DPH6: variants seen among roughly 807,000 people sequenced by gnomAD.
DPH6 encodes diphthine--ammonia ligase.
DPH6 carries 33 observed loss-of-function variants against 38.2 expected under a neutral mutation model. The observed-to-expected ratio is 0.86, with a 90% CI of 0.65 to 1.15. The LOEUF (loss-of-function observed/expected upper bound fraction) is 1.15, where lower values mean the gene tolerates loss of function less well. Ranked by LOEUF, DPH6 falls within the 50% of genes most tolerant of loss-of-function variation. DPH6 has a pLI of 0.00. For missense variants in DPH6, 325 were observed against 320.0 expected (o/e 1.02, Z -0.12); for synonymous variants, 108 against 103.0 (o/e 1.05, Z -0.30).
intron 3 of DPH6, among the ~76,000 whole-genome samples, chr15:35,296,572 C>G (rs985998867): frequency 1.3e-5 from 2 of 152,178 alleles, no homozygotes; most frequent in Admixed American, 6.5e-5. Context: ...TTGTCAAAAT[C>G]TCTAAAGCTA....
At chr15:35,458,696 T>C (rs1175160730) in intron 3 of DPH6, among the ~76,000 whole-genome samples, 2 of 152,188 alleles carry the variant, frequency 1.3e-5, no homozygotes, top group African/African-American at 4.8e-5. Flanking sequence ...CCTTGTGTCA[T>C]AGCTGAAATA....
the DPH6 span, among the ~76,000 whole-genome samples, chr15:35,188,164 C>T: frequency 6.6e-6 from 1 of 152,196 alleles, no homozygotes; most frequent in Non-Finnish European, 1.5e-5. Context: ...GGGAAAGGCA[C>T]TCTCCCAATA....
chr15:35,205,005 G>C, the DPH6 span, among the ~76,000 whole-genome samples: 59 of 152,022 alleles, frequency 3.9e-4, no homozygotes, highest in African/African-American at 1.3e-3. Flanking sequence ...GTTAAGGGCT[G>C]CAAGTGTAGA....
At chr15:35,433,883 A>G (rs2053662254) in intron 5 of DPH6, among the ~76,000 whole-genome samples, 1 of 152,202 alleles carries the variant, frequency 6.6e-6, no homozygotes, top group Admixed American at 6.5e-5. Flanking sequence ...GTTGAAAACC[A>G]TTGTTCTAAG....
chr15:35,538,579 G>T, intron 2 of DPH6, 112 bp from the exon 3 acceptor site: 1 of 892,224 alleles, frequency 1.1e-6, no homozygotes, highest in Non-Finnish European at 1.6e-6. Flanking sequence ...TTGAAAGCTT[G>T]CTATACTATG....
intron 3 of DPH6, chr15:35,298,609 G>A (rs575024001): frequency 2.3e-6 from 2 of 857,780 alleles, no homozygotes; most frequent in Admixed American, 1.7e-5. Context: ...TCTCCGTGGC[G>A]TCACCCACGA....
At chr15:35,328,263 G>A (rs542285509), downstream of DPH6, among the ~76,000 whole-genome samples, 5 of 152,036 alleles carry the variant, frequency 3.3e-5, no homozygotes, top group Admixed American at 2.0e-4. Flanking sequence ...GACAGGCCCC[G>A]TTTTTCTCCT....
chr15:35,394,026 C>T (rs534545028), intron 6 of DPH6, among the ~76,000 whole-genome samples: 5 of 152,252 alleles, frequency 3.3e-5, no homozygotes, highest in African/African-American at 1.2e-4. Flanking sequence ...TTATCTTCCT[C>T]AGGCTTCCAC....
intron 3 of DPH6, among the ~76,000 whole-genome samples, chr15:35,352,836 G>A (rs181034317): frequency 3.4e-4 from 52 of 152,282 alleles, no homozygotes; most frequent in African/African-American, 1.2e-3. Context: ...TCTAGTTCTA[G>A]ATTCCTGAGG....
chr15:35,402,849 T>C (rs2140980543), intron 6 of DPH6, among the ~76,000 whole-genome samples: 1 of 152,168 alleles, frequency 6.6e-6, no homozygotes, highest in South Asian at 2.1e-4. Flanking sequence ...ATGTTATTTT[T>C]AATGATTTAG....
At chr15:35,478,406 A>ACACACACAC (rs1566925048) in intron 3 of DPH6, among the ~76,000 whole-genome samples, 2 of 131,168 alleles carry the variant, frequency 1.5e-5, no homozygotes, top group African/African-American at 6.0e-5. Flanking sequence ...CACACACACA[A>ACACACACAC]AGATTGTAAA....
At chr15:35,454,614 TAC>T in intron 4 of DPH6, 131 bp downstream of exon 4, 1 of 660,106 alleles carries the variant, frequency 1.5e-6, no homozygotes. Context: ...CTTAGGTAAA[TAC>T]ACACATTTAG....
At chr15:35,269,602 A>G (rs2051808001) in intron 3 of DPH6, among the ~76,000 whole-genome samples, 1 of 150,874 alleles carries the variant, frequency 6.6e-6, no homozygotes, top group Admixed American at 6.6e-5. Context: ...ACGCCCGGCT[A>G]ATTTTTTTTG....
the DPH6 span, among the ~76,000 whole-genome samples, chr15:35,155,237 T>G: frequency 3.9e-4 from 59 of 149,482 alleles, no homozygotes; most frequent in Non-Finnish European, 7.5e-4. Context: ...ATTTATAAAC[T>G]CCTTATAACT....
intron 3 of DPH6, among the ~76,000 whole-genome samples, chr15:35,322,308 T>C (rs981679488): frequency 1.2e-4 from 19 of 152,176 alleles, no homozygotes; most frequent in African/African-American, 3.4e-4. Flanking sequence ...AAGGAGGTTT[T>C]TGGACTCTAA....
downstream of DPH6, among the ~76,000 whole-genome samples, chr15:35,329,092 A>G (rs966472054): frequency 1.3e-5 from 2 of 152,218 alleles, no homozygotes; most frequent in African/African-American, 4.8e-5. Flanking sequence ...ATTCAAGATG[A>G]GATTTGGGTG....
At chr15:35,238,362 G>T (rs1193294777) in intron 3 of DPH6, among the ~76,000 whole-genome samples, 2 of 151,928 alleles carry the variant, frequency 1.3e-5, no homozygotes, top group African/African-American at 4.8e-5. Context: ...TCACTTTATC[G>T]GGAGTAGTTG....
intron 3 of DPH6, among the ~76,000 whole-genome samples, chr15:35,290,039 T>G (rs1197158974): frequency 5.3e-5 from 8 of 152,140 alleles, no homozygotes; most frequent in African/African-American, 1.9e-4. Flanking sequence ...ACACTAAAGT[T>G]GAAAAGAAAT....
chr15:35,540,682 T>G (rs768985010), intron 2 of DPH6, among the ~76,000 whole-genome samples: 28 of 152,066 alleles, frequency 1.8e-4, no homozygotes, highest in Admixed American at 3.9e-4. Context: ...TCTAAATAAG[T>G]GTCTCTATTC....
Sources: allele counts gnomAD v4.1 joint callset (sites outside exome capture counted in the v4.1 genomes callset), GRCh38; gene constraint gnomAD v4.1.1; transcripts MANE v1.5; gene names NCBI Gene and HGNC (gene_info 2026-07-23, HGNC 2026-07-21).